Variants in TRPC6 observed in about 807,000 individuals in gnomAD.
TRPC6 encodes the protein short transient receptor potential channel 6.
A neutral mutation model predicts 90.7 loss-of-function variants in TRPC6; 55 were observed. That is an observed-to-expected ratio of 0.61 (90% CI 0.49 to 0.76). The LOEUF (loss-of-function observed/expected upper bound fraction) is 0.76, where lower values mean the gene tolerates loss of function less well. TRPC6 is among the 30% of genes least tolerant of loss of function. The probability of loss-of-function intolerance (pLI) is 0.00; values close to 1 mark genes in which losing one functional copy is unlikely to be tolerated. For synonymous variants in TRPC6, 393 were observed against 393.0 expected, an observed-to-expected ratio of 1.00 and a Z score of 0.00; for missense variants, 989 against 1,122.7, an observed-to-expected ratio of 0.88 and a Z score of 1.70.
intron 2 of TRPC6, among the ~76,000 whole-genome samples, chr11:101,501,080 A>AATACATACATACATAC (rs60962933): frequency 2.1e-5 from 3 of 145,926 alleles, no homozygotes; most frequent in South Asian, 2.2e-4. Context: ...AAGGGAGCAA[A>AATACATACATACATAC]ATACATACAT....
In TRPC6 at chr11:101,452,586, A is replaced by AAAC. The variant is rs1482525075; in HGVS notation, c.*366_*368dup. The AAAC allele has an allele frequency of 4.6e-6, 1 of 217,992 alleles. No homozygotes were observed. The highest frequency in any genetic ancestry group is 2.3e-5 in the African/African-American group (1 of 43,154). 13.5% of individuals were successfully genotyped at this position (217,992 alleles called of 1,614,324 possible). On this transcript the variant is annotated 3_prime_UTR_variant, in exon 13 of 13. Transcript: ENST00000344327. ...GAGCAGGCAAGAAGGAACCTGAAAT[A>AAAC]AACTTCAGAGGAAAAACCGCATGGG...
chr11:101,579,631 C>A (rs1862148892), intron 1 of TRPC6, among the ~76,000 whole-genome samples: 1 of 152,172 alleles, frequency 6.6e-6, no homozygotes, highest in South Asian at 2.1e-4. Context: ...TCCATGTTGA[C>A]TATTTCTAGG....
intron 1 of TRPC6, among the ~76,000 whole-genome samples, chr11:101,556,816 C>A (rs1252421775): frequency 6.6e-6 from 1 of 152,034 alleles, no homozygotes; most frequent in East Asian, 1.9e-4. Flanking sequence ...ACAAAATATA[C>A]AAGCAAACAA....
intron 11 of TRPC6, 61 bp from the exon 12 acceptor site, chr11:101,453,786 T>G: frequency 6.6e-7 from 1 of 1,516,474 alleles, no homozygotes; most frequent in Non-Finnish European, 9.1e-7. Flanking sequence ...ATCTCTCATT[T>G]GGAACAAGTT....
At chr11:101,539,297 G>T (rs879724518) in intron 1 of TRPC6, among the ~76,000 whole-genome samples, 1 of 152,156 alleles carries the variant, frequency 6.6e-6, no homozygotes. Flanking sequence ...GTTTAGAATT[G>T]ACCATAAGCC....
intron 1 of TRPC6, among the ~76,000 whole-genome samples, chr11:101,509,870 T>C (rs1366026283): frequency 6.6e-6 from 1 of 152,178 alleles, no homozygotes; most frequent in Non-Finnish European, 1.5e-5. Flanking sequence ...TATGAGTCTG[T>C]GACAGAATTA....
rs1447135091 is a variant in TRPC6, at chr11:101,452,513, A to ACTT, written c.*439_*441dup. ...AAAGCATTCTAAAGGCCCATGGGCT[A>ACTT]CTTTTTCCCAAATTTCAGAGCTGGG... On this transcript the variant is annotated 3_prime_UTR_variant, in exon 13 of 13. Coordinates refer to ENST00000344327, the MANE Select transcript of TRPC6 (RefSeq NM_004621.6). 1 of 180,516 alleles carries ACTT rather than the reference A, an allele frequency of 5.5e-6. No individual in the cohort carries two copies. Among genetic ancestry groups the ACTT allele is most frequent in the Non-Finnish European group, 1.2e-5 (1 of 84,470 alleles). The allele number at this position is 180,516 out of a possible 1,614,324, so 11.2% of individuals were successfully genotyped here.
chr11:101,475,199 C>T (rs981798466), intron 6 of TRPC6, among the ~76,000 whole-genome samples: 2 of 152,110 alleles, frequency 1.3e-5, no homozygotes, highest in African/African-American at 4.8e-5. Context: ...GGTTGGGAAA[C>T]AGTGGTGTTA....
intron 1 of TRPC6, among the ~76,000 whole-genome samples, chr11:101,564,879 C>G (rs1385902813): frequency 6.6e-6 from 1 of 151,772 alleles, no homozygotes; most frequent in African/African-American, 2.4e-5. Flanking sequence ...ACACATAGAT[C>G]AATAGAATAG....
At chr11:101,502,782 C>T (rs182426428) in intron 2 of TRPC6, among the ~76,000 whole-genome samples, 2 of 152,086 alleles carry the variant, frequency 1.3e-5, no homozygotes, top group Admixed American at 6.6e-5. Flanking sequence ...ACATACTGAG[C>T]GTTTCAGTAA....
chr11:101,496,184 C>T (rs1859944638), intron 2 of TRPC6, among the ~76,000 whole-genome samples: 2 of 152,094 alleles, frequency 1.3e-5, no homozygotes, highest in Non-Finnish European at 2.9e-5. Flanking sequence ...AGAGGAAAAT[C>T]CATCCCCACG....
intron 2 of TRPC6, among the ~76,000 whole-genome samples, chr11:101,494,473 A>G (rs1225933822): frequency 2.0e-5 from 3 of 152,208 alleles, no homozygotes; most frequent in Non-Finnish European, 4.4e-5. Flanking sequence ...GAAGATCTGG[A>G]AACAGGCCAT....
At chr11:101,538,434 G>T (rs1353393778) in intron 1 of TRPC6, among the ~76,000 whole-genome samples, 2 of 152,046 alleles carry the variant, frequency 1.3e-5, no homozygotes, top group African/African-American at 4.8e-5. Context: ...AGACTTCCTG[G>T]CTCTGTGGCC....
At chr11:101,515,656 T>A (rs554472797) in intron 1 of TRPC6, among the ~76,000 whole-genome samples, 1 of 152,300 alleles carries the variant, frequency 6.6e-6, no homozygotes, top group Admixed American at 6.5e-5. Flanking sequence ...TTTTTAAAAA[T>A]TAGAATTTCA....
intron 10 of TRPC6, among the ~76,000 whole-genome samples, chr11:101,457,311 A>T (rs1359590648): frequency 6.6e-6 from 1 of 152,046 alleles, no homozygotes; most frequent in Non-Finnish European, 1.5e-5. Flanking sequence ...ACCACATTTT[A>T]TGCATTCTTT....
At chr11:101,470,635 AT>A (rs934951956) in intron 9 of TRPC6, among the ~76,000 whole-genome samples, 2 of 151,948 alleles carry the variant, frequency 1.3e-5, no homozygotes, top group Non-Finnish European at 2.9e-5. Flanking sequence ...AAATCTTTTT[AT>A]TTTTTTTAAA....
intron 1 of TRPC6, among the ~76,000 whole-genome samples, chr11:101,543,899 T>G (rs903640463): frequency 6.6e-6 from 1 of 152,182 alleles, no homozygotes; most frequent in Admixed American, 6.5e-5. Context: ...CTAATTAAAC[T>G]CAGGAACTTC....
intron 1 of TRPC6, among the ~76,000 whole-genome samples, chr11:101,520,297 C>T (rs902851354): frequency 7.2e-5 from 11 of 152,150 alleles, no homozygotes; most frequent in African/African-American, 1.9e-4. Context: ...GCTTCCCCTT[C>T]GCCTTCCACC....
Position 101,533,025 on chromosome 11 carries a change from C to T in TRPC6, c.171-28227G>A, listed in dbSNP as rs114808009. Among the ~76,000 whole-genome samples, 4 of 152,144 alleles carry T rather than the reference C, an allele frequency of 2.6e-5. No homozygotes were observed. The East Asian group carries it at 7.7e-4, about 29-fold the overall frequency. ...GACATTCAACAGTGCCATGGTGAGC[C>T]ACAAACCGAGAAGGTCAGGGTGGAG... On this transcript the variant is annotated intron_variant, in intron 1 of 12. Transcript: ENST00000344327.
Sources: allele counts gnomAD v4.1 joint callset (sites outside exome capture counted in the v4.1 genomes callset), GRCh38; gene constraint gnomAD v4.1.1; transcripts MANE v1.5; gene names NCBI Gene and HGNC (gene_info 2026-07-23, HGNC 2026-07-21).